Variants in FUBP3 observed in about 807,000 individuals in gnomAD.
FUBP3 encodes far upstream element-binding protein 3.
In FUBP3, 28 loss-of-function variants were observed where a neutral mutation model predicts 85.6. The ratio of observed to expected loss-of-function variants is 0.33; its 90% CI spans 0.24 to 0.45. The LOEUF (loss-of-function observed/expected upper bound fraction) is 0.45, where lower values mean the gene tolerates loss of function less well. FUBP3 is among the 20% of genes least tolerant of loss of function. FUBP3 has a pLI of 1.00. For synonymous variants in FUBP3, 271 were observed against 271.4 expected, an observed-to-expected ratio of 1.00 and a Z score of 0.01; for missense variants, 583 against 755.1, an observed-to-expected ratio of 0.77 and a Z score of 2.67.
chr9:130,622,842 TAA>T (rs78083080), intron 10 of FUBP3, 32 bp downstream of exon 10: 12,399 of 804,206 alleles, frequency 0.015, no homozygotes, highest in South Asian at 0.025. Flanking sequence ...TCCTTAGTGT[TAA>T]AAAAAAAAAA....
At chr9:130,634,566 A>G (rs1830342849) in intron 16 of FUBP3, 101 bp from the exon 17 acceptor site, 1 of 869,546 alleles carries the variant, frequency 1.2e-6, no homozygotes, top group Admixed American at 2.2e-5. Flanking sequence ...TGTGGCCAGG[A>G]GCGAGGTGGA....
At chr9:130,595,704 G>C (rs575222908) in intron 2 of FUBP3, 116 bp downstream of exon 2, 2 of 722,190 alleles carry the variant, frequency 2.8e-6, no homozygotes, top group East Asian at 5.0e-5. Flanking sequence ...TGAGAAGAAA[G>C]GTTGAAGGGA....
At chr9:130,626,628 T>G (rs1265544901) in intron 12 of FUBP3, 123 bp downstream of exon 12, 1 of 972,564 alleles carries the variant, frequency 1.0e-6, no homozygotes, top group African/African-American at 1.6e-5. Flanking sequence ...CTGCCCGGTC[T>G]GGAGGCAGTA....
intron 13 of FUBP3, 78 bp downstream of exon 13, chr9:130,630,866 A>C: frequency 2.7e-6 from 3 of 1,116,972 alleles, no homozygotes; most frequent in South Asian, 2.0e-5. Context: ...AGCTTTTCCC[A>C]CCACCTTGTG....
rs1203773279 is a variant in FUBP3, at chr9:130,616,641, A to G, written c.567+124A>G. The G allele has an allele frequency of 5.9e-6, 5 of 846,206 alleles. No homozygotes were observed. Among genetic ancestry groups the G allele is most frequent in the Non-Finnish European group, 9.3e-6 (5 of 540,110 alleles). 52.4% of individuals were successfully genotyped at this position (846,206 alleles called of 1,614,324 possible). ...GCTGGCTTTGTGCAGCATTGTGCTG[A>G]GGCTTCCTTCCTCCATTTGACAGAC... On this transcript the variant is annotated intron_variant, in intron 7 of 18. Transcript: ENST00000319725. This position sits in a 1 kb window ranked among gnomAD's most constrained non-coding sequence, Gnocchi z 4.7.
At position 130,616,615 on chromosome 9, in the gene FUBP3, G is replaced by A; in HGVS notation, c.567+98G>A. On this transcript the variant is annotated intron_variant, in intron 7 of 18. Transcript: ENST00000319725. This position sits in a 1 kb window ranked among gnomAD's most constrained non-coding sequence, Gnocchi z 4.7. ...GCTTACGGCTGGCATTCCCTGGCTGGGCTGGCTTTGTGCAGCATTGTGCTG... is the reference window on the plus strand; with the variant it reads ...GCTTACGGCTGGCATTCCCTGGCTGAGCTGGCTTTGTGCAGCATTGTGCTG... The A allele has an allele frequency of 1.7e-6, 2 of 1,192,632 alleles. No homozygotes were observed. The highest frequency in any genetic ancestry group is 2.4e-6 in the Non-Finnish European group (2 of 823,170). The allele number at this position is 1,192,632 out of a possible 1,614,324, so 73.9% of individuals were successfully genotyped here. A position where few individuals can be genotyped will look rare whatever the true frequency, so the allele number is the denominator to read the frequency against.
chr9:130,602,890 C>T (rs1831224219), intron 2 of FUBP3, among the ~76,000 whole-genome samples: 3 of 152,106 alleles, frequency 2.0e-5, no homozygotes, highest in South Asian at 4.1e-4. Flanking sequence ...GTCACGTCTG[C>T]CCCTGAAGGT....
chr9:130,620,751 A>C (rs974127097), intron 9 of FUBP3, among the ~76,000 whole-genome samples: 2 of 152,214 alleles, frequency 1.3e-5, no homozygotes, highest in African/African-American at 4.8e-5. Context: ...TTGGTGATGT[A>C]TATCATGATT....
intron 3 of FUBP3, among the ~76,000 whole-genome samples, chr9:130,611,288 C>G (rs1831732710): frequency 6.6e-6 from 1 of 152,192 alleles, no homozygotes; most frequent in African/African-American, 2.4e-5. Context: ...GGTCAGGAAG[C>G]ACATCCTGAC....
intron 2 of FUBP3, among the ~76,000 whole-genome samples, chr9:130,603,781 A>G (rs1831286366): frequency 6.6e-6 from 1 of 152,184 alleles, no homozygotes. Context: ...GCCAAATTAA[A>G]AGAGGATTCA....
chr9:130,589,675 G>GTATATATA (rs1170568300), intron 1 of FUBP3, among the ~76,000 whole-genome samples: 428 of 34,176 alleles, frequency 0.013, 5 homozygotes, highest in Non-Finnish European at 0.017. Context: ...GTATGTGTGT[G>GTATATATA]TATATATATA....
chr9:130,612,873 G>A lies in FUBP3; in HGVS notation c.275-83G>A, dbSNP rs1489221821. The A allele has an allele frequency of 1.1e-6, 1 of 947,398 alleles. No individual in the cohort carries two copies. The allele number at this position is 947,398 out of a possible 1,614,324, so 58.7% of individuals were successfully genotyped here. ...GTAGTATTGTGAGCCAAGTGTCACA[G>A]TTTGTGGAATTAATTCAGTCATTCC... On this transcript the variant is annotated intron_variant, in intron 4 of 18. Coordinates refer to ENST00000319725, the MANE Select transcript of FUBP3 (RefSeq NM_003934.2). The surrounding 1 kb of genome is among the most constrained non-coding windows in gnomAD (Gnocchi z 4.1).
At chr9:130,613,968 A>G (rs1246448209) in intron 5 of FUBP3, among the ~76,000 whole-genome samples, 3 of 152,264 alleles carry the variant, frequency 2.0e-5, no homozygotes, top group Admixed American at 6.5e-5. Flanking sequence ...AAACTGAGGA[A>G]TAGCACGATA....
At chr9:130,609,615 C>G (rs770636515) in intron 2 of FUBP3, among the ~76,000 whole-genome samples, 20 of 152,186 alleles carry the variant, frequency 1.3e-4, no homozygotes, top group Admixed American at 1.0e-3. Context: ...CTCTTTCCAT[C>G]TTTACATTGA....
At chr9:130,586,913 C>T (rs1004040972) in intron 1 of FUBP3, among the ~76,000 whole-genome samples, 3 of 152,070 alleles carry the variant, frequency 2.0e-5, no homozygotes, top group Admixed American at 2.0e-4. Flanking sequence ...CCACACCTGG[C>T]TGATTTTTTG....
Position 130,612,876 on chromosome 9 carries a change from T to C in FUBP3, c.275-80T>C. ...GTATTGTGAGCCAAGTGTCACAGTTTGTGGAATTAATTCAGTCATTCCTGC... is the reference window on the plus strand; with the variant it reads ...GTATTGTGAGCCAAGTGTCACAGTTCGTGGAATTAATTCAGTCATTCCTGC... On this transcript the variant is annotated intron_variant, in intron 4 of 18. Coordinates refer to ENST00000319725, the MANE Select transcript of FUBP3 (RefSeq NM_003934.2). The surrounding 1 kb of genome is among the most constrained non-coding windows in gnomAD (Gnocchi z 4.1). The C allele has an allele frequency of 1.0e-6, 1 of 956,930 alleles. No homozygotes were observed. The highest frequency in any genetic ancestry group is 1.7e-6 in the Non-Finnish European group (1 of 589,178). 59.3% of individuals were successfully genotyped at this position (956,930 alleles called of 1,614,324 possible). A position where few individuals can be genotyped will look rare whatever the true frequency, so the allele number is the denominator to read the frequency against.
intron 13 of FUBP3, 66 bp downstream of exon 13, chr9:130,630,854 C>A: frequency 8.4e-7 from 1 of 1,183,888 alleles, no homozygotes; most frequent in Non-Finnish European, 1.1e-6. Context: ...GTCCAAGGTA[C>A]CAGCTTTTCC....
intron 18 of FUBP3, chr9:130,636,330 C>T (rs548573535): frequency 1.5e-6 from 1 of 679,168 alleles, no homozygotes; most frequent in African/African-American, 1.8e-5. Context: ...AGAGTTTAGG[C>T]CAAGTGGGAG....
chr9:130,621,538 T>C (rs2119095261), intron 9 of FUBP3, among the ~76,000 whole-genome samples: 1 of 152,344 alleles, frequency 6.6e-6, no homozygotes, highest in East Asian at 1.9e-4. Flanking sequence ...CTATTTTTCA[T>C]CTTTTATCTA....
Sources: gnomAD v4.1 joint callset for allele counts (sites outside exome capture counted in the v4.1 genomes callset) on GRCh38, gnomAD v4.1.1 for gene constraint, Gnocchi (gnomAD v3.1) non-coding constraint, MANE v1.5 for transcripts, NCBI Gene and HGNC (gene_info 2026-07-23, HGNC 2026-07-21) for gene names.